The following PLEKHG5 variants were observed in gnomAD, a reference collection of about 807,000 sequenced individuals.
The protein encoded by PLEKHG5 is pleckstrin homology domain-containing family G member 5.
PLEKHG5 carries 52 observed loss-of-function variants against 103.8 expected under a neutral mutation model. The observed-to-expected ratio is 0.50, with a 90% confidence interval of 0.40 to 0.63. PLEKHG5 has a LOEUF of 0.63. Ranked by LOEUF, PLEKHG5 falls within the 30% of genes least tolerant of loss-of-function variation. The pLI, the probability that PLEKHG5 is intolerant of heterozygous loss-of-function variation, is 0.00. For missense variants in PLEKHG5, 1,205 were observed against 1,347.6 expected, an observed-to-expected ratio of 0.89 and a Z score of 1.66; for synonymous variants, 592 against 575.5, an observed-to-expected ratio of 1.03 and a Z score of -0.41.
At chr1:6,480,447 T>C (rs925059530) in intron 1 of PLEKHG5, among the ~76,000 whole-genome samples, 1 of 151,428 alleles carries the variant, frequency 6.6e-6, no homozygotes, top group Non-Finnish European at 1.5e-5. Context: ...GGAGAATTGC[T>C]TGAACCGGGG....
chr1:6,473,294 C>CTGA lies in PLEKHG5; in HGVS notation c.749_751dup (p.Phe250_Ser251insIle). On this transcript the variant is annotated inframe_insertion, in exon 8 of 21. Transcript: ENST00000377728. Reference sequence around the variant, plus strand: ...GCTGGGGCCGGAGCTGAAAAAGCCGCTGAAGCGACTGGCCGCCCGGTTCTT... The same window carrying CTGA: ...GCTGGGGCCGGAGCTGAAAAAGCCGCTGATGAAGCGACTGGCCGCCCGGTTCTT... 1 of 1,592,426 alleles carries CTGA rather than the reference C, an allele frequency of 6.3e-7. No individual in the cohort carries two copies. The highest frequency in any genetic ancestry group is 8.5e-7 in the Non-Finnish European group (1 of 1,170,208).
In PLEKHG5 at chr1:6,469,028, A is replaced by G; in HGVS notation, c.2249+14T>C. Reference sequence around the variant, plus strand: ...TCCTGGTTTGACCTGCTGGGTGGTCATGAGCAGACGTACCAGTGCTGAGAG... The same window carrying G: ...TCCTGGTTTGACCTGCTGGGTGGTCGTGAGCAGACGTACCAGTGCTGAGAG... On this transcript the variant is annotated intron_variant, in intron 19 of 20. Transcript: ENST00000377728. The G allele has an allele frequency of 4.3e-6, 7 of 1,610,492 alleles. No individual in the cohort carries two copies. Among genetic ancestry groups the G allele is most frequent in the Middle Eastern group, 1.7e-4 (1 of 6,056 alleles).
In PLEKHG5 at chr1:6,467,550, G is replaced by C; in HGVS notation, c.*13C>G. On this transcript the variant is annotated 3_prime_UTR_variant, in exon 21 of 21. Coordinates refer to ENST00000377728, the MANE Select transcript of PLEKHG5 (RefSeq NM_020631.6). ...TCTCTTGGTCAATGGCACTCTTGGG[G>C]GCCTCCCTCTGCTCAGACCTCCCTA... 1 of 1,613,318 alleles carries C rather than the reference G, an allele frequency of 6.2e-7. No homozygotes were observed. The highest frequency in any genetic ancestry group is 8.5e-7 in the Non-Finnish European group (1 of 1,179,662).
upstream of PLEKHG5, among the ~76,000 whole-genome samples, chr1:6,499,471 G>A (rs1270508538): frequency 6.6e-6 from 1 of 152,200 alleles, no homozygotes; most frequent in Non-Finnish European, 1.5e-5. Context: ...CCTGGTCCTG[G>A]CTCCCCTGGG....
At chr1:6,474,366 T>G (rs560626110) in intron 6 of PLEKHG5, 85 bp downstream of exon 6, 2 of 1,410,388 alleles carry the variant, frequency 1.4e-6, no homozygotes, top group Non-Finnish European at 1.9e-6. Flanking sequence ...CCACGACCAA[T>G]GGGAACCTGA....
At chr1:6,494,724 C>T (rs926100267), upstream of PLEKHG5, among the ~76,000 whole-genome samples, 1 of 152,230 alleles carries the variant, frequency 6.6e-6, no homozygotes, top group Non-Finnish European at 1.5e-5. Flanking sequence ...AGGCCCCCTC[C>T]TCCAGGATGC....
intron 1 of PLEKHG5, among the ~76,000 whole-genome samples, chr1:6,517,306 C>CAA (rs779260887): frequency 4.8e-5 from 3 of 62,434 alleles, no homozygotes; most frequent in South Asian, 5.8e-4. Flanking sequence ...GACTCCATCT[C>CAA]AAAAAAAAAA....
intron 1 of PLEKHG5, among the ~76,000 whole-genome samples, chr1:6,516,885 TAC>T (rs1296132007): frequency 0.021 from 224 of 10,652 alleles, no homozygotes; most frequent in Middle Eastern, 0.12. Context: ...TATATATATA[TAC>T]ACATATATAT....
chr1:6,490,437 C>A lies in PLEKHG5; in HGVS notation c.-88+1200G>T, dbSNP rs1645128403. ...CCGGAGCGCAGCTCCCACTTCCCCGCGACTCACCTAGGAACAGGACCAGGG... is the reference window on the plus strand; with the variant it reads ...CCGGAGCGCAGCTCCCACTTCCCCGAGACTCACCTAGGAACAGGACCAGGG... On this transcript the variant is annotated intron_variant, in intron 1 of 20. Transcript: ENST00000377728. The surrounding 1 kb of genome is among the most constrained non-coding windows in gnomAD (Gnocchi z 8.0). 1 of 985,054 alleles carries A rather than the reference C, an allele frequency of 1.0e-6. No homozygotes were observed. The highest frequency in any genetic ancestry group is 4.7e-5 in the South Asian group (1 of 21,280). 61.0% of individuals were successfully genotyped at this position (985,054 alleles called of 1,614,324 possible).
intron 14 of PLEKHG5, 25 bp downstream of exon 14, chr1:6,470,710 G>A (rs1400990983): frequency 1.7e-5 from 26 of 1,550,704 alleles, no homozygotes; most frequent in South Asian, 4.7e-5. Context: ...CAGGGGGGAC[G>A]GCTCCCGCTG....
rs1419913474 is a variant in PLEKHG5, at chr1:6,477,537, G to A, written c.35C>T (p.Pro12Leu). Reference sequence around the variant, plus strand: ...CTCCCGCCTGTGCTCACCTTGTGGGGGAAGGTCGAAGCGGACATGCCCATC... The same window carrying A: ...CTCCCGCCTGTGCTCACCTTGTGGGAGAAGGTCGAAGCGGACATGCCCATC... ...HYDGHVRFDL[P>L]PQGSVLARNV... Residue 12 changes from proline (P) to leucine (L), a missense_variant, in exon 2 of 21, where the codon CCC becomes CTC. Coordinates refer to ENST00000377728, the MANE Select transcript of PLEKHG5 (RefSeq NM_020631.6). 1 of 1,611,930 alleles carries A rather than the reference G, an allele frequency of 6.2e-7. No homozygotes were observed. The highest frequency in any genetic ancestry group is 1.1e-5 in the South Asian group (1 of 91,082).
At chr1:6,494,865 C>A (rs1331175846), upstream of PLEKHG5, among the ~76,000 whole-genome samples, 3 of 152,238 alleles carry the variant, frequency 2.0e-5, no homozygotes, top group Non-Finnish European at 4.4e-5. Context: ...CGCTGGGTGA[C>A]CCTCATCAGC....
chr1:6,487,598 G>A lies in PLEKHG5; in HGVS notation c.-88+4039C>T, dbSNP rs972297160. Among the ~76,000 whole-genome samples, 4 of 152,048 alleles carry A rather than the reference G, an allele frequency of 2.6e-5. No individual in the cohort carries two copies. The highest frequency in any genetic ancestry group is 9.7e-5 in the African/African-American group (4 of 41,426). Reference sequence around the variant, plus strand: ...CTGTATTTTCTGTCTGGAATTCCACGCACCCTATCTTGAAACAGCTGACAC... The same window carrying A: ...CTGTATTTTCTGTCTGGAATTCCACACACCCTATCTTGAAACAGCTGACAC... On this transcript the variant is annotated intron_variant, in intron 1 of 20. Transcript: ENST00000377728. This position sits in a 1 kb window ranked among gnomAD's most constrained non-coding sequence, Gnocchi z 4.1.
chr1:6,500,970 C>T (rs557393132), upstream of PLEKHG5, among the ~76,000 whole-genome samples: 13 of 152,320 alleles, frequency 8.5e-5, 1 homozygote, highest in Middle Eastern at 3.4e-3. Context: ...CCTCGGGGCG[C>T]GGGCAGAACG....
upstream of PLEKHG5, chr1:6,496,508 C>T (rs772942472): frequency 1.2e-6 from 2 of 1,603,668 alleles, no homozygotes; most frequent in African/African-American, 1.3e-5. Context: ...CCGCCCGCCC[C>T]TTGTCCATGC....
chr1:6,484,860 A>C (rs1644988131), intron 1 of PLEKHG5, among the ~76,000 whole-genome samples: 1 of 151,292 alleles, frequency 6.6e-6, no homozygotes. Flanking sequence ...CCAAAATAAC[A>C]GAGGGGGGCC....
In PLEKHG5 at chr1:6,473,253, G is replaced by A. The variant is rs879253921; in HGVS notation, c.793C>T (p.Arg265Trp). The A allele has an allele frequency of 1.7e-5, 28 of 1,610,924 alleles. No individual in the cohort carries two copies. The highest frequency in any genetic ancestry group is 1.6e-4 in the Middle Eastern group (1 of 6,076). The change falls in exon 8 of 21, where the codon CGG (arginine) becomes TGG (tryptophan). Residue 265 changes from arginine (R) to tryptophan (W), a missense_variant and splice_region_variant. Arg to Trp is a moderately radical substitution (Grantham distance 101). Transcript: ENST00000377728. Reference sequence around the variant, plus strand: ...CCTGGGCAGATGGGGCCACATACCCGGCCAAAGGCGCTGGTGCTGGGGCCG... The same window carrying A: ...CCTGGGCAGATGGGGCCACATACCCAGCCAAAGGCGCTGGTGCTGGGGCCG... The part of the protein sequence containing the change: ...SSGPSTSAFG[R>W]EVDKMEQLEG...
At chr1:6,485,204 CT>C in intron 1 of PLEKHG5, 2 of 661,882 alleles carry the variant, frequency 3.0e-6, no homozygotes, top group Non-Finnish European at 4.3e-6. Context: ...CATCCTTCCC[CT>C]GGGGGCCGCG....
At chr1:6,472,161 A>G (rs1352570817) in intron 10 of PLEKHG5, among the ~76,000 whole-genome samples, 1 of 152,188 alleles carries the variant, frequency 6.6e-6, no homozygotes, top group Non-Finnish European at 1.5e-5. Flanking sequence ...AGGAAGCTCC[A>G]AGCCCAGGGT....
Sources: allele counts gnomAD v4.1 joint callset (sites outside exome capture counted in the v4.1 genomes callset), GRCh38; gene constraint gnomAD v4.1.1; non-coding constraint Gnocchi (gnomAD v3.1); transcripts MANE v1.5; gene names NCBI Gene and HGNC (gene_info 2026-07-23, HGNC 2026-07-21).